Variants in DNAAF11 observed in about 807,000 individuals in gnomAD.
The protein encoded by DNAAF11 is dynein axonemal assembly factor 11.
In DNAAF11, 45 loss-of-function variants were observed where a neutral mutation model predicts 60.8. That is an observed-to-expected ratio of 0.74 (90% CI 0.58 to 0.95). The LOEUF (loss-of-function observed/expected upper bound fraction) is 0.95, where lower values mean the gene tolerates loss of function less well. Among genes scored for constraint, DNAAF11 ranks in the 40% least tolerant of loss-of-function variants. The probability of loss-of-function intolerance (pLI) is 0.00; values close to 1 mark genes in which losing one functional copy is unlikely to be tolerated. For synonymous variants in DNAAF11, 191 were observed against 183.5 expected, an observed-to-expected ratio of 1.04 and a Z score of -0.33; for missense variants, 546 against 546.2, an observed-to-expected ratio of 1.00 and a Z score of 0.00.
chr8:132,589,829 T>C (rs950022652), intron 10 of DNAAF11, among the ~76,000 whole-genome samples: 4 of 152,182 alleles, frequency 2.6e-5, no homozygotes, highest in Admixed American at 6.5e-5. Flanking sequence ...CACTTAGCAT[T>C]TATAGATCCT....
rs565101128 is a variant in DNAAF11 at position 132,631,144 on chromosome 8, C to T, written c.653+1596G>A. Among the ~76,000 whole-genome samples, 87 of 152,254 alleles carry T rather than the reference C, an allele frequency of 5.7e-4. No homozygotes were observed. The Middle Eastern group carries it at 0.01, about 18-fold the overall frequency. The stretch of plus-strand genomic sequence containing the variant: ...TGGGCATCTTCTGTTGTGCCAGGCA[C>T]CAGAGATACAGCCCTGGCAAAGAGA... On this transcript the variant is annotated intron_variant, in intron 5 of 11. Coordinates refer to ENST00000620350, the MANE Select transcript of DNAAF11 (RefSeq NM_012472.6).
intron 10 of DNAAF11, among the ~76,000 whole-genome samples, chr8:132,589,127 C>A (rs1816206032): frequency 6.6e-6 from 1 of 152,090 alleles, no homozygotes; most frequent in South Asian, 2.1e-4. Flanking sequence ...AGATGACTTA[C>A]TGGGGGCTGT....
chr8:132,643,038 G>T (rs1382579861), intron 3 of DNAAF11, among the ~76,000 whole-genome samples: 1 of 152,138 alleles, frequency 6.6e-6, no homozygotes, highest in Non-Finnish European at 1.5e-5. Flanking sequence ...TACATCCCTC[G>T]CAAGATCAGT....
chr8:132,583,863 A>G, intron 10 of DNAAF11, 84 bp from the exon 11 acceptor site: 1 of 900,380 alleles, frequency 1.1e-6, no homozygotes, highest in Non-Finnish European at 1.8e-6. Flanking sequence ...ATTTTAAAAG[A>G]TACTAAAACA....
the DNAAF11 span, among the ~76,000 whole-genome samples, chr8:132,685,805 A>G: frequency 6.6e-6 from 1 of 152,144 alleles, no homozygotes; most frequent in South Asian, 2.1e-4. Context: ...CTACTTGAAT[A>G]TGTGTGTGTG....
the DNAAF11 span, among the ~76,000 whole-genome samples, chr8:132,682,085 T>A: frequency 6.6e-6 from 1 of 152,210 alleles, no homozygotes; most frequent in Admixed American, 6.5e-5. Context: ...TTATTATACA[T>A]TCTTTTCAAT....
intron 8 of DNAAF11, 61 bp downstream of exon 8, chr8:132,614,977 T>C: frequency 9.2e-7 from 1 of 1,087,050 alleles, no homozygotes; most frequent in South Asian, 1.5e-5. Flanking sequence ...ACTAAAAAAT[T>C]ACTACTGAGA....
the DNAAF11 span, among the ~76,000 whole-genome samples, chr8:132,690,511 T>C: frequency 5.3e-5 from 8 of 152,358 alleles, no homozygotes; most frequent in South Asian, 1.7e-3. Flanking sequence ...GAAGTATCTT[T>C]ATAGCAGTGT....
chr8:132,699,381 G>T, the DNAAF11 span, among the ~76,000 whole-genome samples: 1 of 152,138 alleles, frequency 6.6e-6, no homozygotes, highest in South Asian at 2.1e-4. Context: ...AGAAAGGGGA[G>T]CAGTGCTAGG....
At position 132,571,572 on chromosome 8, in the gene DNAAF11, C is replaced by G. The variant is rs1814193471; in HGVS notation, c.*734G>C. 6.6e-6 allele frequency among the ~76,000 whole-genome samples: 1 copy of G among 151,230 alleles called. No homozygotes were observed. The highest frequency in any genetic ancestry group is 1.5e-5 in the Non-Finnish European group (1 of 67,798). On this transcript the variant is annotated 3_prime_UTR_variant, in exon 12 of 12. Transcript: ENST00000620350. ...AAGAAGGAGCAGGGAGGAGGAGAGA[C>G]AGGAGAAAGGGAGGAGAAGAGAGAG... is the stretch of plus-strand genomic sequence containing the variant.
rs1419658197 is a variant in DNAAF11, at chr8:132,571,606, G to A, written c.*700C>T. On this transcript the variant is annotated 3_prime_UTR_variant, in exon 12 of 12. Transcript: ENST00000620350. ...GGGAGGAGAAGAGAGAGGAGAAAGGGAAGAAGGAGAGAGAGAAGAGGCTCT... is the reference window on the plus strand; with the variant it reads ...GGGAGGAGAAGAGAGAGGAGAAAGGAAAGAAGGAGAGAGAGAAGAGGCTCT... 6.6e-6 allele frequency among the ~76,000 whole-genome samples: 1 copy of A among 152,018 alleles called. No individual in the cohort carries two copies. The highest frequency in any genetic ancestry group is 1.5e-5 in the Non-Finnish European group (1 of 67,984).
chr8:132,641,425 G>A (rs894222152), intron 3 of DNAAF11, among the ~76,000 whole-genome samples: 6 of 152,168 alleles, frequency 3.9e-5, no homozygotes, highest in African/African-American at 1.4e-4. Context: ...TAAGCTCCAT[G>A]AAGAGGGGAA....
At chr8:132,604,563 G>C (rs1426623521) in intron 10 of DNAAF11, among the ~76,000 whole-genome samples, 1 of 152,136 alleles carries the variant, frequency 6.6e-6, no homozygotes, top group Non-Finnish European at 1.5e-5. Flanking sequence ...TTAATGACTT[G>C]ATGCAAGTGA....
At position 132,675,377 on chromosome 8, in the gene DNAAF11, G is replaced by T. The variant is rs10100324; in HGVS notation, c.10+107C>A. 0.073 allele frequency: 95,419 copies of T among 1,301,298 alleles called. 4,352 individuals are homozygous for T. Among genetic ancestry groups the T allele is most frequent in the African/African-American group, 0.19 (12,364 of 66,050 alleles). 80.6% of individuals were successfully genotyped at this position (1,301,298 alleles called of 1,614,324 possible). ...GTGGGGTTAGGGTCCGCCCAGGCGC[G>T]GGGGAACCGACAGCGCAGGGCGGGA... On this transcript the variant is annotated intron_variant, in intron 1 of 11. Transcript: ENST00000620350.
At chr8:132,601,293 G>A (rs1021347230) in intron 10 of DNAAF11, among the ~76,000 whole-genome samples, 1 of 152,120 alleles carries the variant, frequency 6.6e-6, no homozygotes, top group African/African-American at 2.4e-5. Context: ...GAGAGGATGT[G>A]GAGAAACAGG....
the DNAAF11 span, among the ~76,000 whole-genome samples, chr8:132,682,307 A>G: frequency 1.3e-5 from 2 of 152,172 alleles, no homozygotes; most frequent in African/African-American, 2.4e-5. Flanking sequence ...GGAGAAGCCA[A>G]TGTAGATGCC....
chr8:132,578,556 A>C (rs1233908375), intron 11 of DNAAF11: 1 of 1,251,468 alleles, frequency 8.0e-7, no homozygotes, highest in Non-Finnish European at 1.1e-6. Context: ...CATGGAAGTA[A>C]GCAAGAAAAA....
At chr8:132,627,275 A>T (rs1014556040) in intron 5 of DNAAF11, among the ~76,000 whole-genome samples, 1 of 152,198 alleles carries the variant, frequency 6.6e-6, no homozygotes, top group African/African-American at 2.4e-5. Context: ...TGCAATCTAA[A>T]ATAATAATTA....
the DNAAF11 span, among the ~76,000 whole-genome samples, chr8:132,701,582 T>C: frequency 4.0e-5 from 6 of 151,858 alleles, no homozygotes; most frequent in African/African-American, 2.4e-5. Context: ...GGCCTGAGAG[T>C]TGAAACAAAA....
Sources: gnomAD v4.1 joint callset for allele counts (sites outside exome capture counted in the v4.1 genomes callset) on GRCh38, gnomAD v4.1.1 for gene constraint, MANE v1.5 for transcripts, NCBI Gene and HGNC (gene_info 2026-07-23, HGNC 2026-07-21) for gene names.